The following KBTBD12 variants were observed in gnomAD, a reference collection of about 807,000 sequenced individuals.
KBTBD12 encodes kelch repeat and BTB domain-containing protein 12.
In KBTBD12, 53 loss-of-function variants were observed where a neutral mutation model predicts 58.7. The ratio of observed to expected loss-of-function variants is 0.90; its 90% confidence interval spans 0.72 to 1.14. The LOEUF is 1.14. KBTBD12 is among the 50% of genes most tolerant of loss of function. KBTBD12 has a pLI of 0.00. For synonymous variants in KBTBD12, 236 were observed against 259.8 expected (o/e 0.91, Z 0.88); for missense variants, 704 against 751.3 (o/e 0.94, Z 0.74).
rs375075787 is a variant in KBTBD12, at chr3:127,930,117, G to T, written c.1342-16G>T. 6.4e-7 allele frequency: 1 copy of T among 1,565,054 alleles called. No individual in the cohort carries two copies. Among genetic ancestry groups the T allele is most frequent in the East Asian group, 2.3e-5 (1 of 42,830 alleles). ...TAAATGATATGTTATTATATTGGCT[G>T]TCATATTTCATACAGATGGATCTTC... On this transcript the variant is annotated splice_polypyrimidine_tract_variant and intron_variant, in intron 3 of 5. Coordinates refer to ENST00000405109, the MANE Select transcript of KBTBD12 (RefSeq NM_207335.4).
At position 127,923,054 on chromosome 3, in the gene KBTBD12, A is replaced by T. The variant is rs13094579; in HGVS notation, c.-8A>T. 6.5e-7 allele frequency: 1 copy of T among 1,543,958 alleles called. No homozygotes were observed. ...GAAGACTTAGTTGGAAACTTTGGAG[A>T]GTAGATCATGGAGTGCAAGATTGAG... On this transcript the variant is annotated 5_prime_UTR_variant, in exon 2 of 6. Transcript: ENST00000405109.
At chr3:127,962,378 A>T (rs1370449491) in intron 4 of KBTBD12, among the ~76,000 whole-genome samples, 2 of 152,204 alleles carry the variant, frequency 1.3e-5, no homozygotes, top group Non-Finnish European at 2.9e-5. Flanking sequence ...AGTTGTACTT[A>T]AAGTCATGAT....
intron 5 of KBTBD12, among the ~76,000 whole-genome samples, chr3:127,983,178 G>A (rs1056559918): frequency 4.6e-5 from 7 of 152,236 alleles, no homozygotes; most frequent in African/African-American, 9.7e-5. Context: ...AATTGTGAAC[G>A]TGGCCTTTCT....
intron 4 of KBTBD12, among the ~76,000 whole-genome samples, chr3:127,953,871 C>G (rs1353276781): frequency 1.3e-5 from 2 of 152,220 alleles, no homozygotes; most frequent in African/African-American, 4.8e-5. Context: ...GTAATTGGCT[C>G]TTCTGTTGGA....
At chr3:127,958,919 A>G (rs1021512499) in intron 4 of KBTBD12, among the ~76,000 whole-genome samples, 1 of 152,156 alleles carries the variant, frequency 6.6e-6, no homozygotes, top group African/African-American at 2.4e-5. Flanking sequence ...CAGGCACCCT[A>G]TTGATGAGCA....
At chr3:127,954,327 A>G (rs1180101087) in intron 4 of KBTBD12, among the ~76,000 whole-genome samples, 1 of 152,248 alleles carries the variant, frequency 6.6e-6, no homozygotes, top group Non-Finnish European at 1.5e-5. Context: ...AATCAAATAC[A>G]GACTCCTATT....
In KBTBD12 at chr3:127,951,093, G is replaced by A. The variant is rs192371304; in HGVS notation, c.1493-12096G>A. Among the ~76,000 whole-genome samples, 79 of 152,282 alleles carry A rather than the reference G, an allele frequency of 5.2e-4. No individual in the cohort carries two copies. The East Asian group carries it at 0.01, about 20-fold the overall frequency. On this transcript the variant is annotated intron_variant, in intron 4 of 5. Coordinates refer to ENST00000405109, the MANE Select transcript of KBTBD12 (RefSeq NM_207335.4). The stretch of plus-strand genomic sequence containing the variant: ...CAGGAACAACATATATCAAAGCATG[G>A]TAGAGAAAGAGTAGGTTGAGTTACT...
chr3:127,919,097 G>A (rs2107585361), intron 1 of KBTBD12, among the ~76,000 whole-genome samples: 1 of 152,158 alleles, frequency 6.6e-6, no homozygotes, highest in Middle Eastern at 3.4e-3. Flanking sequence ...CTGGAATTTA[G>A]CCCTGTCCAA....
chr3:127,924,249 C>T, intron 2 of KBTBD12, 118 bp downstream of exon 2: 1 of 618,646 alleles, frequency 1.6e-6, no homozygotes, highest in Admixed American at 2.9e-5. Context: ...TTACCCTATA[C>T]ATCTCCCATA....
At chr3:127,979,808 A>C (rs146550132) in intron 5 of KBTBD12, among the ~76,000 whole-genome samples, 1 of 152,220 alleles carries the variant, frequency 6.6e-6, no homozygotes. Flanking sequence ...CCTTTTAAAC[A>C]CTTACAGAAC....
intron 4 of KBTBD12, among the ~76,000 whole-genome samples, chr3:127,959,461 C>CA (rs1302979114): frequency 3.3e-5 from 5 of 152,130 alleles, no homozygotes; most frequent in African/African-American, 1.2e-4. Context: ...CTATTAAGGA[C>CA]AATTTGACCA....
intron 4 of KBTBD12, among the ~76,000 whole-genome samples, chr3:127,956,133 GT>G (rs1940316264): frequency 6.6e-6 from 1 of 152,162 alleles, no homozygotes; most frequent in Non-Finnish European, 1.5e-5. Flanking sequence ...GGCTCATTAT[GT>G]TTTTGCTATA....
Position 127,959,336 on chromosome 3 carries a change from G to A in KBTBD12, c.1493-3853G>A, listed in dbSNP as rs148909260. On this transcript the variant is annotated intron_variant, in intron 4 of 5. Coordinates refer to ENST00000405109, the MANE Select transcript of KBTBD12 (RefSeq NM_207335.4). ...CTCTCAAACATTTATGACCAAATGA[G>A]TTACTCTAAGTCATGTCAGGGAGCT... Among the ~76,000 whole-genome samples, 121 of 152,292 alleles carry A rather than the reference G, an allele frequency of 7.9e-4. 1 individual carries two copies. The highest frequency in any genetic ancestry group is 2.8e-3 in the African/African-American group (116 of 41,558).
chr3:127,941,683 C>G (rs889744379), intron 4 of KBTBD12, among the ~76,000 whole-genome samples: 1 of 152,156 alleles, frequency 6.6e-6, no homozygotes, highest in Non-Finnish European at 1.5e-5. Context: ...ATCTCCCAGA[C>G]GGAATCTTTC....
intron 4 of KBTBD12, among the ~76,000 whole-genome samples, chr3:127,949,754 A>T (rs1324802925): frequency 6.6e-6 from 1 of 152,200 alleles, no homozygotes; most frequent in Non-Finnish European, 1.5e-5. Flanking sequence ...AGGTCTTGAA[A>T]TTCCTGCTTT....
At chr3:127,937,394 T>C (rs1939854008) in intron 4 of KBTBD12, among the ~76,000 whole-genome samples, 1 of 152,110 alleles carries the variant, frequency 6.6e-6, no homozygotes, top group African/African-American at 2.4e-5. Flanking sequence ...TATAACAATA[T>C]TAAAACCTCA....
intron 4 of KBTBD12, among the ~76,000 whole-genome samples, chr3:127,958,983 T>A (rs1940374785): frequency 6.6e-6 from 1 of 152,150 alleles, no homozygotes; most frequent in Non-Finnish European, 1.5e-5. Flanking sequence ...CTGTCAGCCT[T>A]GTACTGAAGG....
chr3:127,977,301 T>A (rs757499941), intron 5 of KBTBD12, among the ~76,000 whole-genome samples: 6 of 152,236 alleles, frequency 3.9e-5, no homozygotes, highest in Non-Finnish European at 8.8e-5. Context: ...ATAATACACA[T>A]GCATGTGTCT....
chr3:127,934,301 T>G (rs1426893842), intron 4 of KBTBD12, among the ~76,000 whole-genome samples: 1 of 152,130 alleles, frequency 6.6e-6, no homozygotes, highest in Admixed American at 6.5e-5. Context: ...TGAAGTAAAA[T>G]AAACCAAATA....
Sources: allele counts gnomAD v4.1 joint callset (sites outside exome capture counted in the v4.1 genomes callset), GRCh38; gene constraint gnomAD v4.1.1; transcripts MANE v1.5; gene names NCBI Gene and HGNC (gene_info 2026-07-23, HGNC 2026-07-21).